PTH2R: variants seen among roughly 807,000 people sequenced by gnomAD.
PTH2R encodes PTH2 receptor.
A neutral mutation model predicts 60.3 loss-of-function variants in PTH2R; 59 were observed. That is an observed-to-expected ratio of 0.98 (90% confidence interval 0.79 to 1.22). PTH2R has a LOEUF of 1.22. Among genes scored for constraint, PTH2R ranks in the 50% most tolerant of loss-of-function variants. The pLI is 0.00. For synonymous variants in PTH2R, 256 were observed against 243.8 expected, an observed-to-expected ratio of 1.05 and a Z score of -0.47; for missense variants, 749 against 682.6, an observed-to-expected ratio of 1.10 and a Z score of -1.08.
intron 10 of PTH2R, 79 bp downstream of exon 10, chr2:208,481,243 G>A (rs1330308653): frequency 1.0e-6 from 1 of 969,114 alleles, no homozygotes; most frequent in East Asian, 2.7e-5. Flanking sequence ...TTTTGAGACA[G>A]GGTCTCGCTC....
intron 1 of PTH2R, among the ~76,000 whole-genome samples, chr2:208,377,063 T>C (rs1420718799): frequency 5.9e-5 from 9 of 151,448 alleles, no homozygotes; most frequent in Non-Finnish European, 1.0e-4. Context: ...GATTAGGGAG[T>C]GGTGATGACT....
chr2:208,442,581 G>A, intron 5 of PTH2R, 120 bp downstream of exon 5: 2 of 756,754 alleles, frequency 2.6e-6, no homozygotes, highest in East Asian at 2.5e-5. Flanking sequence ...TTTGAATTCA[G>A]CCTAATGTTA....
At chr2:208,446,524 A>C (rs948861501) in intron 7 of PTH2R, among the ~76,000 whole-genome samples, 1 of 152,228 alleles carries the variant, frequency 6.6e-6, no homozygotes, top group African/African-American at 2.4e-5. Flanking sequence ...AACGCATTTT[A>C]CATGCCACAT....
chr2:208,449,073 G>A (rs1702346639), intron 7 of PTH2R, among the ~76,000 whole-genome samples: 1 of 152,144 alleles, frequency 6.6e-6, no homozygotes, highest in African/African-American at 2.4e-5. Context: ...GCAGATATAA[G>A]AATGATAAGA....
intron 9 of PTH2R, among the ~76,000 whole-genome samples, chr2:208,465,390 T>C (rs1702724976): frequency 4.5e-5 from 1 of 22,148 alleles, no homozygotes; most frequent in Non-Finnish European, 8.8e-5. Context: ...TTGTAAGTCT[T>C]TTTTTTTTTT....
At position 208,376,882 on chromosome 2, in the gene PTH2R, A is replaced by C. The variant is rs939596538; in HGVS notation, c.-259+16645A>C. 2.7e-5 allele frequency among the ~76,000 whole-genome samples: 4 copies of C among 150,210 alleles called. 1 individual carries two copies. Among genetic ancestry groups the C allele is most frequent in the African/African-American group, 9.9e-5 (4 of 40,434 alleles). On this transcript the variant is annotated intron_variant, in intron 1 of 12. Transcript: ENST00000617735. ...TTTTTTTAAGTTAATTAATTAATTA[A>C]TTTTTTTTTATTGATCATTCTTGGG...
rs185468043 is a variant in PTH2R, at chr2:208,473,043, G to T, written c.982-8027G>T. 1.2e-3 allele frequency among the ~76,000 whole-genome samples: 181 copies of T among 152,338 alleles called. 1 individual carries two copies. The highest frequency in any genetic ancestry group is 4.3e-3 in the African/African-American group (177 of 41,570). ...CTTATGTAGGGGCACATACCCTGGT[G>T]CATGAGAGGACTTAGGTGGTATATG... is the stretch of plus-strand genomic sequence containing the variant. On this transcript the variant is annotated intron_variant, in intron 9 of 12. Coordinates refer to ENST00000272847, the MANE Select transcript of PTH2R (RefSeq NM_005048.4).
intron 2 of PTH2R, among the ~76,000 whole-genome samples, chr2:208,429,507 A>T (rs543232694): frequency 3.0e-4 from 45 of 152,306 alleles, no homozygotes; most frequent in African/African-American, 1.0e-3. Flanking sequence ...TATTTAAAAA[A>T]TATGTACAAT....
intron 4 of PTH2R, among the ~76,000 whole-genome samples, chr2:208,438,992 A>C (rs1245237949): frequency 6.6e-6 from 1 of 152,216 alleles, no homozygotes; most frequent in African/African-American, 2.4e-5. Flanking sequence ...TAACATAAGT[A>C]ACATCAACAT....
intron 1 of PTH2R, among the ~76,000 whole-genome samples, chr2:208,376,027 TA>T (rs1158103490): frequency 6.6e-6 from 1 of 152,140 alleles, no homozygotes; most frequent in Non-Finnish European, 1.5e-5. Context: ...ACACACATAA[TA>T]AATACCCATC....
At chr2:208,490,985 C>A (rs1365902872) in intron 12 of PTH2R, among the ~76,000 whole-genome samples, 1 of 152,202 alleles carries the variant, frequency 6.6e-6, no homozygotes, top group African/African-American at 2.4e-5. Context: ...ACTTAAACTT[C>A]TATTCCATTT....
intron 9 of PTH2R, among the ~76,000 whole-genome samples, chr2:208,470,721 G>A (rs1680348397): frequency 6.6e-6 from 1 of 152,190 alleles, no homozygotes. Flanking sequence ...ATTGGTATCA[G>A]TAGAGTGGGG....
At chr2:208,461,599 T>C (rs996856153) in intron 9 of PTH2R, among the ~76,000 whole-genome samples, 2 of 152,198 alleles carry the variant, frequency 1.3e-5, no homozygotes, top group African/African-American at 4.8e-5. Flanking sequence ...AATGATTATA[T>C]AATGATTAAA....
chr2:208,364,188 T>G (rs1399186743), intron 1 of PTH2R, among the ~76,000 whole-genome samples: 1 of 152,222 alleles, frequency 6.6e-6, no homozygotes, highest in Non-Finnish European at 1.5e-5. Flanking sequence ...CTTTTCACTA[T>G]TGTGTCCTTC....
intron 1 of PTH2R, among the ~76,000 whole-genome samples, chr2:208,395,084 G>GTTGC (rs1701182168): frequency 6.6e-6 from 1 of 151,290 alleles, no homozygotes; most frequent in African/African-American, 2.4e-5. Context: ...GTCTTGCTCT[G>GTTGC]TTGCCCAGGC....
At chr2:208,450,639 A>G (rs1051110828) in intron 7 of PTH2R, 110 bp from the exon 8 acceptor site, 1 of 1,086,878 alleles carries the variant, frequency 9.2e-7, no homozygotes, top group Non-Finnish European at 1.4e-6. Flanking sequence ...TTTCATGTCT[A>G]TTTTTATCTC....
intron 11 of PTH2R, 133 bp from the exon 12 acceptor site, chr2:208,490,506 G>A (rs896275066): frequency 4.6e-5 from 34 of 731,846 alleles, no homozygotes; most frequent in Non-Finnish European, 7.1e-5. Context: ...AACACTAGGA[G>A]AGAATAATTT....
intron 4 of PTH2R, among the ~76,000 whole-genome samples, chr2:208,438,217 C>T (rs1010668475): frequency 1.3e-5 from 2 of 152,150 alleles, no homozygotes; most frequent in Non-Finnish European, 2.9e-5. Flanking sequence ...TTCATGATTT[C>T]TTCTTAGTTA....
In PTH2R at chr2:208,441,206, G is replaced by A. The variant is rs115336635; in HGVS notation, c.412-1158G>A. 8.3e-3 allele frequency among the ~76,000 whole-genome samples: 1,270 copies of A among 152,200 alleles called. 7 individuals carry two copies. The highest frequency in any genetic ancestry group is 0.015 in the South Asian group (72 of 4,816). ...TCACATAACTCAGAGAAACACTTAC[G>A]TTTCCTATATATTATTATAAAGGAT... On this transcript the variant is annotated intron_variant, in intron 4 of 12. Coordinates refer to ENST00000272847, the MANE Select transcript of PTH2R (RefSeq NM_005048.4).
Sources: gnomAD v4.1 joint callset for allele counts (sites outside exome capture counted in the v4.1 genomes callset) on GRCh38, gnomAD v4.1.1 for gene constraint, MANE v1.5 for transcripts, NCBI Gene and HGNC (gene_info 2026-07-23, HGNC 2026-07-21) for gene names.